CELSR1: variants seen among roughly 807,000 people sequenced by gnomAD.
CELSR1 encodes the protein adhesion G protein-coupled receptor C1.
In CELSR1, 110 loss-of-function variants were observed where a neutral mutation model predicts 249.1. The observed-to-expected ratio is 0.44, with a 90% CI of 0.38 to 0.52. The LOEUF (loss-of-function observed/expected upper bound fraction) is 0.52, where lower values mean the gene tolerates loss of function less well. CELSR1 is among the 20% of genes least tolerant of loss of function. The probability of loss-of-function intolerance (pLI) is 0.00; values close to 1 mark genes in which losing one functional copy is unlikely to be tolerated. For missense variants in CELSR1, 4,109 were observed against 4,296.4 expected, an observed-to-expected ratio of 0.96 and a Z score of 1.22; for synonymous variants, 2,113 against 1,900.0, an observed-to-expected ratio of 1.11 and a Z score of -2.92.
chr22:46,436,365 G>T lies in CELSR1; in HGVS notation c.4407-76C>A. On this transcript the variant is annotated intron_variant, in intron 3 of 34. Transcript: ENST00000674500. The surrounding 1 kb of genome is among the most constrained non-coding windows in gnomAD (Gnocchi z 5.9). ...AGGCTGCCTAGGAATGACAAGTCCA[G>T]CCGGAGGAGGGCAAGCACGTGGGGC... is the stretch of plus-strand genomic sequence containing the variant. 1.8e-6 allele frequency: 2 copies of T among 1,085,532 alleles called. No homozygotes were observed. Among genetic ancestry groups the T allele is most frequent in the Non-Finnish European group, 1.4e-6 (1 of 718,008 alleles). The allele number at this position is 1,085,532 out of a possible 1,614,324, so 67.2% of individuals were successfully genotyped here. A position where few individuals can be genotyped will look rare whatever the true frequency, so the allele number is the denominator to read the frequency against.
rs917599297 is a variant in CELSR1 at position 46,396,816 on chromosome 22, C to G, written c.5702-70G>C. 6.4e-7 allele frequency: 1 copy of G among 1,551,368 alleles called. No homozygotes were observed. The highest frequency in any genetic ancestry group is 1.4e-5 in the African/African-American group (1 of 73,090). On this transcript the variant is annotated intron_variant, in intron 12 of 34. Transcript: ENST00000674500. The surrounding 1 kb of genome is among the most constrained non-coding windows in gnomAD (Gnocchi z 6.4). ...ACCTTCCACGTTAAAATATCTGGAGCAACCTGTCCCCTCCAGAAGATCTGA... is the reference window on the plus strand; with the variant it reads ...ACCTTCCACGTTAAAATATCTGGAGGAACCTGTCCCCTCCAGAAGATCTGA...
Position 46,409,865 on chromosome 22 carries a change from C to T in CELSR1, c.4949G>A (p.Arg1650Lys). Residue 1650 changes from arginine to lysine, a missense_variant, in exon 8 of 35, where the codon AGG becomes AAG. By Grantham distance (26) the Arg-to-Lys change is conservative. Transcript: ENST00000674500. The surrounding 1 kb of genome is among the most constrained non-coding windows in gnomAD (Gnocchi z 9.8). ...NGTREGCAARRNFCDGRRCQN... is the reference protein window; with the variant it reads ...NGTREGCAARKNFCDGRRCQN... ...ACACCGCCTCCCATCGCAGAAGTTC[C>T]TCCGAGCAGCGCAGCCTGGCAACAC... is the stretch of plus-strand genomic sequence containing the variant. The T allele has an allele frequency of 6.2e-7, 1 of 1,613,408 alleles. No homozygotes were observed. Among genetic ancestry groups the T allele is most frequent in the Non-Finnish European group, 8.5e-7 (1 of 1,179,992 alleles).
chr22:46,444,128 A>G (rs2079789195), intron 2 of CELSR1, among the ~76,000 whole-genome samples: 1 of 152,222 alleles, frequency 6.6e-6, no homozygotes. Context: ...GCCCAGGCCC[A>G]TGACCTCCAC....
Position 46,473,753 on chromosome 22 carries a change from G to A in CELSR1, c.3545-9408C>T, listed in dbSNP as rs1169926143. On this transcript the variant is annotated intron_variant, in intron 1 of 34. Coordinates refer to ENST00000674500, the MANE Select transcript of CELSR1 (RefSeq NM_001378328.1). This position sits in a 1 kb window ranked among gnomAD's most constrained non-coding sequence, Gnocchi z 6.6. Reference sequence around the variant, plus strand: ...GGGAGGGCCCTGCTTGGTGGCTCCTGGTGGCTCCCATTCAAAGCCAGGGAA... The same window carrying A: ...GGGAGGGCCCTGCTTGGTGGCTCCTAGTGGCTCCCATTCAAAGCCAGGGAA... 6.6e-6 allele frequency among the ~76,000 whole-genome samples: 1 copy of A among 151,374 alleles called. No individual in the cohort carries two copies. Among genetic ancestry groups the A allele is most frequent in the Non-Finnish European group, 1.5e-5 (1 of 68,032 alleles).
rs376149789 is a variant in CELSR1 at position 46,378,600 on chromosome 22, G to A, written c.7374C>T (p.Ser2458=). 297 of 1,576,062 alleles carry A rather than the reference G, an allele frequency of 1.9e-4. No homozygotes were observed. The highest frequency in any genetic ancestry group is 2.4e-4 in the Non-Finnish European group (284 of 1,161,426). ...ACGGGAGGATGCCCACCTCACGCCT[G>A]GAGATATCCATGAGCACCGCAAAGC... ...TASFAVLMDI[S]RRENGEVLPL... is the part of the protein sequence containing the mutation. The change falls in exon 23 of 35, where the codon TCC becomes TCT. Residue 2458 remains serine (S), a synonymous_variant. Transcript: ENST00000674500.
chr22:46,380,925 C>T lies in CELSR1; in HGVS notation c.7119G>A (p.Pro2373=), dbSNP rs748119764. The change falls in exon 22 of 35, where the codon CCG becomes CCA. Residue 2373 remains proline, a synonymous_variant. Transcript: ENST00000674500. The surrounding 1 kb of genome is among the most constrained non-coding windows in gnomAD (Gnocchi z 5.1). ...RLPHRPIINT[P]MVSTLVYSEG... The stretch of plus-strand genomic sequence containing the variant: ...CGCTGTACACCAGCGTGCTCACCAT[C>T]GGGGTATTAATGATGGGCCGGTGAG... 1.9e-5 allele frequency: 30 copies of T among 1,613,554 alleles called. No individual in the cohort carries two copies. Among genetic ancestry groups the T allele is most frequent in the Admixed American group, 3.3e-5 (2 of 60,002 alleles).
rs1430028105 is a variant in CELSR1, at chr22:46,441,077, C to T, written c.4184-1666G>A. ...CTGAGGCAGGAGAACTGCTTCAACCCGGGAGGCGGAGGTTGTAGCGAGCCG... is the reference window on the plus strand; with the variant it reads ...CTGAGGCAGGAGAACTGCTTCAACCTGGGAGGCGGAGGTTGTAGCGAGCCG... On this transcript the variant is annotated intron_variant, in intron 2 of 34. Transcript: ENST00000674500. This position sits in a 1 kb window ranked among gnomAD's most constrained non-coding sequence, Gnocchi z 6.1. 6.6e-6 allele frequency among the ~76,000 whole-genome samples: 1 copy of T among 150,618 alleles called. No homozygotes were observed. Among genetic ancestry groups the T allele is most frequent in the African/African-American group, 2.4e-5 (1 of 40,922 alleles).
Position 46,535,168 on chromosome 22 carries a change from C to T in CELSR1, c.2003G>A (p.Ser668Asn). 2.5e-6 allele frequency: 4 copies of T among 1,609,666 alleles called. No homozygotes were observed. Among genetic ancestry groups the T allele is most frequent in the East Asian group, 2.2e-5 (1 of 44,838 alleles). Reference protein sequence around the residue: ...EAVDHGSPPMSSSTSVSITVL... With the variant: ...EAVDHGSPPMNSSTSVSITVL... ...CGTGATGGACACGCTGGTGGAGGAG[C>T]TCATGGGGGGCGAGCCGTGGTCCAC... The change falls in exon 1 of 35, where the codon AGC becomes AAC. Residue 668 changes from serine to asparagine, a missense_variant. This residue lies in a region of CELSR1 where 886 missense variants were observed against 896.5 expected (regional missense o/e 0.99). Transcript: ENST00000674500.
rs925232675 is a variant in CELSR1, at chr22:46,393,059, G to A, written c.5964+1083C>T. 7.9e-5 allele frequency among the ~76,000 whole-genome samples: 12 copies of A among 152,106 alleles called. No homozygotes were observed. The highest frequency in any genetic ancestry group is 2.7e-4 in the African/African-American group (11 of 41,410). On this transcript the variant is annotated intron_variant, in intron 14 of 34. Transcript: ENST00000674500. The surrounding 1 kb of genome is among the most constrained non-coding windows in gnomAD (Gnocchi z 4.1). ...GGAACCACCGCAGGCACTGGGGGGGGACACTACTGACATCACGAGATGGCA... is the reference window on the plus strand; with the variant it reads ...GGAACCACCGCAGGCACTGGGGGGGAACACTACTGACATCACGAGATGGCA...
chr22:46,482,879 G>A (rs1042839647), intron 1 of CELSR1, among the ~76,000 whole-genome samples: 9 of 152,162 alleles, frequency 5.9e-5, no homozygotes, highest in African/African-American at 2.2e-4. Context: ...TGTAGACAAG[G>A]GAGTGCTGGC....
intron 1 of CELSR1, chr22:46,530,401 A>G (rs996836187): frequency 3.3e-5 from 5 of 150,994 alleles, no homozygotes; most frequent in Admixed American, 6.6e-5. Flanking sequence ...AAATAAAAAT[A>G]AAACAAAGAA....
rs2080080584 is a variant in CELSR1, at chr22:46,464,964, G to A, written c.3545-619C>T. Among the ~76,000 whole-genome samples, 1 of 152,196 alleles carries A rather than the reference G, an allele frequency of 6.6e-6. No individual in the cohort carries two copies. The highest frequency in any genetic ancestry group is 1.5e-5 in the Non-Finnish European group (1 of 68,042). ...GCAACTCCACATGCCCAGCACACAG[G>A]AGGGGCCGAGGAGCACCGCTTTACA... On this transcript the variant is annotated intron_variant, in intron 1 of 34. Transcript: ENST00000674500. The surrounding 1 kb of genome is among the most constrained non-coding windows in gnomAD (Gnocchi z 8.5).
At chr22:46,449,292 A>G (rs532768023) in intron 2 of CELSR1, among the ~76,000 whole-genome samples, 1 of 150,656 alleles carries the variant, frequency 6.6e-6, no homozygotes, top group Admixed American at 6.6e-5. Flanking sequence ...CCATTCATCC[A>G]TCTATCCACC....
At chr22:46,372,844 A>G in intron 25 of CELSR1, 39 bp downstream of exon 25, 2 of 1,563,448 alleles carry the variant, frequency 1.3e-6, no homozygotes, top group Non-Finnish European at 1.7e-6. Context: ...TCTGTTGGAA[A>G]TCTGTGGTTT....
intron 11 of CELSR1, 85 bp from the exon 12 acceptor site, chr22:46,397,933 T>C: frequency 8.7e-7 from 1 of 1,148,700 alleles, no homozygotes; most frequent in South Asian, 2.3e-5. Flanking sequence ...CTCTGGTCCC[T>C]TGCGAGGCAT....
intron 1 of CELSR1, among the ~76,000 whole-genome samples, chr22:46,475,067 T>G (rs1019873302): frequency 6.6e-6 from 1 of 152,120 alleles, no homozygotes; most frequent in African/African-American, 2.4e-5. Flanking sequence ...CTTGCCGCAT[T>G]ATTCTGTTTC....
chr22:46,387,970 C>T (rs539078593), intron 18 of CELSR1, among the ~76,000 whole-genome samples: 2 of 152,306 alleles, frequency 1.3e-5, no homozygotes, highest in East Asian at 3.9e-4. Flanking sequence ...GAGGGTGACC[C>T]TCAGCCTCTG....
rs1273275141 is a variant in CELSR1 at position 46,518,384 on chromosome 22, C to T, written c.3544+15243G>A. Among the ~76,000 whole-genome samples the T allele has an allele frequency of 1.3e-5, 2 of 152,232 alleles. No homozygotes were observed. The highest frequency in any genetic ancestry group is 2.9e-5 in the Non-Finnish European group (2 of 68,042). On this transcript the variant is annotated intron_variant, in intron 1 of 34. Transcript: ENST00000674500. This position sits in a 1 kb window ranked among gnomAD's most constrained non-coding sequence, Gnocchi z 5.2. ...GAGGAGAACGAAGGGAGTGGGCTCC[C>T]ACAGACCACATTGCACTGCGACAAG... is the stretch of plus-strand genomic sequence containing the variant.
rs529465531 is a variant in CELSR1 at position 46,411,398 on chromosome 22, T to C, written c.4769+204A>G. On this transcript the variant is annotated intron_variant, in intron 6 of 34. Transcript: ENST00000674500. The surrounding 1 kb of genome is among the most constrained non-coding windows in gnomAD (Gnocchi z 4.2). The stretch of plus-strand genomic sequence containing the variant: ...AACCCTGGGGTCGGCCTGGCCACTC[T>C]TGACACATACTTAGGGAGACTTATT... 6.6e-6 allele frequency among the ~76,000 whole-genome samples: 1 copy of C among 152,266 alleles called. No homozygotes were observed. Among genetic ancestry groups the C allele is most frequent in the East Asian group, 1.9e-4 (1 of 5,164 alleles).
Sources: allele counts gnomAD v4.1 joint callset (sites outside exome capture counted in the v4.1 genomes callset), GRCh38; gene constraint gnomAD v4.1.1; regional missense constraint gnomAD v4.1.1; non-coding constraint Gnocchi (gnomAD v3.1); transcripts MANE v1.5; gene names NCBI Gene and HGNC (gene_info 2026-07-23, HGNC 2026-07-21).